Variants in ZNRF3 observed in about 807,000 individuals in gnomAD.
The protein encoded by ZNRF3 is E3 ubiquitin-protein ligase ZNRF3.
In ZNRF3, 23 loss-of-function variants were observed where a neutral mutation model predicts 72.5. The ratio of observed to expected loss-of-function variants is 0.32; its 90% CI spans 0.23 to 0.45. The LOEUF is 0.45. Among genes scored for constraint, ZNRF3 ranks in the 20% least tolerant of loss-of-function variants. ZNRF3 has a pLI of 1.00. For missense variants in ZNRF3, 1,169 were observed against 1,272.1 expected (o/e 0.92, Z 1.23); for synonymous variants, 610 against 545.3 (o/e 1.12, Z -1.65).
At chr22:29,028,350 A>G (rs914754580) in intron 2 of ZNRF3, among the ~76,000 whole-genome samples, 2 of 152,004 alleles carry the variant, frequency 1.3e-5, no homozygotes, top group Admixed American at 6.6e-5. Context: ...GCAAGGGGAG[A>G]AAAAAAATCC....
chr22:29,044,151 A>G (rs923341042), intron 4 of ZNRF3, among the ~76,000 whole-genome samples: 4 of 152,188 alleles, frequency 2.6e-5, no homozygotes, highest in Non-Finnish European at 5.9e-5. Context: ...TGCAGCTTCC[A>G]CTTTGCAAAG....
At chr22:28,985,332 T>G (rs566513677) in intron 1 of ZNRF3, among the ~76,000 whole-genome samples, 5 of 152,086 alleles carry the variant, frequency 3.3e-5, no homozygotes, top group Admixed American at 6.5e-5. Context: ...GATGCATCCT[T>G]TTCTCCCCTC....
intron 1 of ZNRF3, among the ~76,000 whole-genome samples, chr22:28,890,248 C>T (rs924671149): frequency 6.6e-6 from 1 of 152,200 alleles, no homozygotes; most frequent in African/African-American, 2.4e-5. Context: ...CGCCTGTAAT[C>T]CCAACACTTT....
intron 1 of ZNRF3, among the ~76,000 whole-genome samples, chr22:28,976,357 A>C (rs534312853): frequency 1.3e-5 from 2 of 152,130 alleles, no homozygotes; most frequent in Non-Finnish European, 2.9e-5. Context: ...CCCTGTCTCT[A>C]CTAAAAATAC....
At chr22:29,001,799 T>TTATC (rs132563) in intron 2 of ZNRF3, among the ~76,000 whole-genome samples, 77,730 of 151,498 alleles carry the variant, frequency 0.51, 20,303 homozygotes, top group Admixed American at 0.6. Flanking sequence ...GAAGTCTGGT[T>TTATC]TATCTATTTT....
intron 1 of ZNRF3, among the ~76,000 whole-genome samples, chr22:28,983,697 A>G (rs976009592): frequency 1.3e-5 from 2 of 152,184 alleles, no homozygotes; most frequent in African/African-American, 4.8e-5. Context: ...CTGTAGGTTT[A>G]TTGCCATGCG....
At chr22:28,933,572 C>T (rs543599141) in intron 1 of ZNRF3, among the ~76,000 whole-genome samples, 4 of 152,160 alleles carry the variant, frequency 2.6e-5, no homozygotes, top group Admixed American at 6.5e-5. Context: ...GTTTTTCCTC[C>T]GAGGAGATGC....
chr22:28,947,889 G>C (rs1429804993), intron 1 of ZNRF3, among the ~76,000 whole-genome samples: 2 of 152,152 alleles, frequency 1.3e-5, no homozygotes, highest in Non-Finnish European at 2.9e-5. Flanking sequence ...TCTGTCACCA[G>C]GTTGGAGTGC....
intron 1 of ZNRF3, among the ~76,000 whole-genome samples, chr22:28,964,772 G>T (rs952119838): frequency 1.3e-5 from 2 of 152,232 alleles, no homozygotes; most frequent in African/African-American, 4.8e-5. Context: ...TCAGCAACAG[G>T]GCATCCCGCA....
chr22:28,970,587 T>G (rs1258633022), intron 1 of ZNRF3, among the ~76,000 whole-genome samples: 2 of 152,088 alleles, frequency 1.3e-5, no homozygotes, highest in Non-Finnish European at 2.9e-5. Context: ...TTTGTAATAG[T>G]GAAAAAGTGG....
chr22:28,970,239 T>C (rs1324542359), intron 1 of ZNRF3, among the ~76,000 whole-genome samples: 3 of 152,066 alleles, frequency 2.0e-5, no homozygotes. Flanking sequence ...AAAGAAGAGA[T>C]AGGGATGGCA....
At position 29,048,527 on chromosome 22, in the gene ZNRF3, C is replaced by A. The variant is rs760493052; in HGVS notation, c.1015+36C>A. The A allele has an allele frequency of 7.6e-5, 121 of 1,596,700 alleles. No homozygotes were observed. The Middle Eastern group carries it at 8.3e-4, about 11-fold the overall frequency. ...CCCGCCTTAGCCATTGCTGAAGAGT[C>A]AAGTGCCTAGCTAGAGTGTGACACA... is the stretch of plus-strand genomic sequence containing the variant. On this transcript the variant is annotated intron_variant, in intron 7 of 8. Transcript: ENST00000544604. This position sits in a 1 kb window ranked among gnomAD's most constrained non-coding sequence, Gnocchi z 4.9.
chr22:28,883,737 CCGCCCTCCG>C lies in ZNRF3; in HGVS notation c.-21_-13del. 1 of 980,494 alleles carries C rather than the reference CCGCCCTCCG, an allele frequency of 1.0e-6. No individual in the cohort carries two copies. Among genetic ancestry groups the C allele is most frequent in the Non-Finnish European group, 1.2e-6 (1 of 826,904 alleles). 60.7% of individuals were successfully genotyped at this position (980,494 alleles called of 1,614,324 possible). A position where few individuals can be genotyped will look rare whatever the true frequency, so the allele number is the denominator to read the frequency against. On this transcript the variant is annotated 5_prime_UTR_variant, in exon 1 of 9. Coordinates refer to ENST00000544604, the MANE Select transcript of ZNRF3 (RefSeq NM_001206998.2). This position sits in a 1 kb window ranked among gnomAD's most constrained non-coding sequence, Gnocchi z 5.5. The stretch of plus-strand genomic sequence containing the variant: ...GGCCCGCGACTATGCCCGGCCGCGC[CCGCCCTCCG>C]CGCCCTCCCGCCGCAGGACCATGAG...
chr22:29,049,822 A>C lies in ZNRF3; in HGVS notation c.1641A>C (p.Pro547=), dbSNP rs1018568755. The change falls in exon 8 of 9, where the codon CCA becomes CCC. Residue 547 remains proline, a synonymous_variant. Transcript: ENST00000544604. The surrounding 1 kb of genome is among the most constrained non-coding windows in gnomAD (Gnocchi z 5.2). ...SVCSGYLADC[P]GSDSSSSSSS... is the part of the protein sequence containing the mutation. ...GCAGTGGCTACCTGGCCGACTGCCC[A>C]GGCAGCGACAGCAGCAGCAGCAGCA... 1.9e-6 allele frequency: 3 copies of C among 1,608,608 alleles called. No individual in the cohort carries two copies. In the African/African-American group the frequency reaches 4.0e-5, roughly 21 times the overall value.
chr22:28,914,980 CT>C (rs1225267692), intron 1 of ZNRF3, among the ~76,000 whole-genome samples: 1 of 152,170 alleles, frequency 6.6e-6, no homozygotes, highest in Non-Finnish European at 1.5e-5. Context: ...GACCCATCCC[CT>C]GTCATACCCC....
At chr22:28,951,620 A>G (rs993161994) in intron 1 of ZNRF3, among the ~76,000 whole-genome samples, 1 of 152,144 alleles carries the variant, frequency 6.6e-6, no homozygotes, top group Non-Finnish European at 1.5e-5. Flanking sequence ...TACCCAGTTT[A>G]TGGTAGTTCG....
At chr22:28,933,772 T>TCTCTCTCTCC (rs1569251152) in intron 1 of ZNRF3, among the ~76,000 whole-genome samples, 4 of 111,908 alleles carry the variant, frequency 3.6e-5, no homozygotes, top group African/African-American at 1.0e-4. Flanking sequence ...TCTCTCTCTC[T>TCTCTCTCTCC]CTCTCTCCCC....
At chr22:29,033,169 G>T (rs1421697372) in intron 2 of ZNRF3, among the ~76,000 whole-genome samples, 1 of 152,094 alleles carries the variant, frequency 6.6e-6, no homozygotes, top group Non-Finnish European at 1.5e-5. Flanking sequence ...GGCCAACATG[G>T]CGAAACCCTG....
rs1351577589 is a variant in ZNRF3 at position 28,906,217 on chromosome 22, C to T, written c.300+22151C>T. ...TGGTGCACGTCTGTAGTCCCAACTA[C>T]TCAGGAGATTGAGGCAGGTGGATTG... On this transcript the variant is annotated intron_variant, in intron 1 of 8. Transcript: ENST00000544604. Among the ~76,000 whole-genome samples the T allele has an allele frequency of 4.6e-5, 7 of 152,192 alleles. No homozygotes were observed. In the East Asian group the frequency reaches 1.2e-3, roughly 25 times the overall value.
Sources: allele counts gnomAD v4.1 joint callset (sites outside exome capture counted in the v4.1 genomes callset), GRCh38; gene constraint gnomAD v4.1.1; non-coding constraint Gnocchi (gnomAD v3.1); transcripts MANE v1.5; gene names NCBI Gene and HGNC (gene_info 2026-07-23, HGNC 2026-07-21).